TRIM71: variants seen among roughly 807,000 people sequenced by gnomAD.
The protein encoded by TRIM71 is tripartite motif containing 71.
TRIM71 carries 9 observed loss-of-function variants against 61.2 expected under a neutral mutation model. The observed-to-expected ratio is 0.15, with a 90% confidence interval of 0.09 to 0.26. The LOEUF is 0.26. TRIM71 is among the 10% of genes least tolerant of loss of function. The pLI, the probability that TRIM71 is intolerant of heterozygous loss-of-function variation, is 1.00. For synonymous variants in TRIM71, 645 were observed against 553.2 expected (o/e 1.17, Z -2.33); for missense variants, 998 against 1,238.7 (o/e 0.81, Z 2.92).
intron 2 of TRIM71, among the ~76,000 whole-genome samples, chr3:32,876,563 G>A (rs913858438): frequency 1.3e-5 from 2 of 152,088 alleles, no homozygotes; most frequent in Non-Finnish European, 2.9e-5. Context: ...CAGCCTGGAC[G>A]ACCGAATGAG....
In TRIM71 at chr3:32,818,357, G is replaced by A. The variant is rs1170054358; in HGVS notation, c.277G>A (p.Val93Met). 3 of 1,475,464 alleles carry A rather than the reference G, an allele frequency of 2.0e-6. No individual in the cohort carries two copies. Among genetic ancestry groups the A allele is most frequent in the East Asian group, 3.0e-5 (1 of 33,722 alleles). 91.4% of individuals were successfully genotyped at this position (1,475,464 alleles called of 1,614,324 possible). A position where few individuals can be genotyped will look rare whatever the true frequency, so the allele number is the denominator to read the frequency against. ...AGEPLKLRCP[V>M]CDQKVVLAEA... The stretch of plus-strand genomic sequence containing the variant: ...AGAGCCGCTCAAGCTGCGCTGCCCC[G>A]TGTGCGACCAGAAAGTAGTGCTAGC... The change falls in exon 1 of 4, where the codon GTG (valine) becomes ATG (methionine). Residue 93 changes from valine (V) to methionine (M), a missense_variant. This residue lies in a region of TRIM71 where 527 missense variants were observed against 427.8 expected (regional missense o/e 1.23). Coordinates refer to ENST00000383763, the MANE Select transcript of TRIM71 (RefSeq NM_001039111.3).
At chr3:32,820,722 GATT>G (rs1400447144) in intron 1 of TRIM71, among the ~76,000 whole-genome samples, 1 of 152,304 alleles carries the variant, frequency 6.6e-6, no homozygotes, top group African/African-American at 2.4e-5. Flanking sequence ...ACTTGTAAAA[GATT>G]TATTCACTTT....
intron 1 of TRIM71, among the ~76,000 whole-genome samples, chr3:32,833,207 A>AT (rs1696294897): frequency 6.7e-6 from 1 of 149,452 alleles, no homozygotes; most frequent in South Asian, 2.1e-4. Flanking sequence ...AAAAAAAAAA[A>AT]AAAAAGAGGC....
chr3:32,834,432 T>G (rs1696308986), intron 1 of TRIM71, among the ~76,000 whole-genome samples: 1 of 152,168 alleles, frequency 6.6e-6, no homozygotes, highest in Non-Finnish European at 1.5e-5. Context: ...GTTGGTTTAT[T>G]TAAGTAGATT....
At chr3:32,830,794 C>A (rs1011232220) in intron 1 of TRIM71, among the ~76,000 whole-genome samples, 2 of 152,100 alleles carry the variant, frequency 1.3e-5, no homozygotes, top group Non-Finnish European at 2.9e-5. Flanking sequence ...AATGCCTCCC[C>A]CTGCCCCAAA....
intron 3 of TRIM71, among the ~76,000 whole-genome samples, chr3:32,889,559 A>AAGT (rs1553647453): frequency 7.2e-6 from 1 of 139,604 alleles, no homozygotes; most frequent in African/African-American, 2.6e-5. Flanking sequence ...GTTTTGTCCC[A>AAGT]ATTATTATTA....
intron 2 of TRIM71, among the ~76,000 whole-genome samples, chr3:32,884,620 G>A (rs989485975): frequency 3.3e-5 from 5 of 152,040 alleles, no homozygotes. Context: ...GATCGCCATG[G>A]GGTAGAAGGA....
At chr3:32,869,878 C>G (rs918038206) in intron 1 of TRIM71, among the ~76,000 whole-genome samples, 1 of 152,174 alleles carries the variant, frequency 6.6e-6, no homozygotes, top group Non-Finnish European at 1.5e-5. Flanking sequence ...TGTCGCCAGG[C>G]CCGAGGGGGC....
chr3:32,849,246 C>T (rs1163048994), intron 1 of TRIM71, among the ~76,000 whole-genome samples: 2 of 151,146 alleles, frequency 1.3e-5, no homozygotes, highest in Non-Finnish European at 3.0e-5. Context: ...GAAGGTAGAG[C>T]GAGTTCATTT....
intron 2 of TRIM71, among the ~76,000 whole-genome samples, chr3:32,877,893 A>G (rs967640383): frequency 6.6e-6 from 1 of 152,082 alleles, no homozygotes; most frequent in Non-Finnish European, 1.5e-5. Context: ...CAAACATCCT[A>G]TTAATGTTGA....
intron 1 of TRIM71, among the ~76,000 whole-genome samples, chr3:32,849,421 C>T (rs564147672): frequency 4.0e-5 from 6 of 151,724 alleles, no homozygotes; most frequent in South Asian, 2.1e-4. Flanking sequence ...TGTAATGGTG[C>T]GATCTGAGCT....
intron 1 of TRIM71, among the ~76,000 whole-genome samples, chr3:32,856,510 A>C (rs1297923057): frequency 3.3e-5 from 5 of 152,184 alleles, no homozygotes; most frequent in African/African-American, 4.8e-5. Context: ...AGCATGAGGC[A>C]ATAAGGAAAT....
intron 1 of TRIM71, among the ~76,000 whole-genome samples, chr3:32,843,469 T>TG (rs1475892902): frequency 2.0e-5 from 3 of 152,088 alleles, no homozygotes; most frequent in Admixed American, 6.5e-5. Context: ...TCTGTGAAAA[T>TG]GGAGTGGATG....
intron 1 of TRIM71, among the ~76,000 whole-genome samples, chr3:32,844,742 G>T (rs1168798968): frequency 1.3e-5 from 2 of 152,174 alleles, no homozygotes; most frequent in African/African-American, 2.4e-5. Flanking sequence ...TAACTTAGCT[G>T]ATGAAGTCGG....
Position 32,818,607 on chromosome 3 carries a change from CT to C in TRIM71, c.529del (p.Ser177ProfsTer165). ...PLPQAPQPPA[P>X]SRSAPGGPAA... ...CCGCAGGCGCCGCAGCCGCCCGCGC[CT>C]TCCCGCTCGGCACCCGGCGGCCCTG... On this transcript the variant is annotated frameshift_variant, in exon 1 of 4. Transcript: ENST00000383763. LOFTEE classifies it high-confidence loss of function. The C allele has an allele frequency of 7.2e-7, 1 of 1,385,514 alleles. No homozygotes were observed. The allele number at this position is 1,385,514 out of a possible 1,614,324, so 85.8% of individuals were successfully genotyped here.
chr3:32,828,212 T>C (rs1167711050), intron 1 of TRIM71, among the ~76,000 whole-genome samples: 4 of 152,264 alleles, frequency 2.6e-5, no homozygotes. Context: ...TACTTAGGAT[T>C]ATCAATAGAT....
rs755896977 is a variant in TRIM71, at chr3:32,891,094, C to A, written c.1890C>A (p.Ile630=). 4.3e-6 allele frequency: 7 copies of A among 1,611,826 alleles called. No homozygotes were observed. The highest frequency in any genetic ancestry group is 5.9e-6 in the Non-Finnish European group (7 of 1,179,976). ...IIVADRSNNR[I]QVFKPCGAFH... ...TCGCCGACCGCAGCAACAACCGCAT[C>A]CAGGTGTTCAAGCCCTGCGGCGCCT... The change falls in exon 4 of 4, where the codon ATC becomes ATA. Residue 630 remains isoleucine, a synonymous_variant. Transcript: ENST00000383763. This position sits in a 1 kb window ranked among gnomAD's most constrained non-coding sequence, Gnocchi z 8.2.
At position 32,893,739 on chromosome 3, in the gene TRIM71, G is replaced by A. The variant is rs546843544; in HGVS notation, c.*1928G>A. 1 of 152,210 alleles carries A rather than the reference G, an allele frequency of 6.6e-6. No individual in the cohort carries two copies. The highest frequency in any genetic ancestry group is 1.5e-5 in the Non-Finnish European group (1 of 68,028). 9.4% of individuals were successfully genotyped at this position (152,210 alleles called of 1,614,324 possible). A position where few individuals can be genotyped will look rare whatever the true frequency, so the allele number is the denominator to read the frequency against. On this transcript the variant is annotated 3_prime_UTR_variant, in exon 4 of 4. Transcript: ENST00000383763. ...GGAGATGATGGGGACAGTGTGACAA[G>A]TCAATCAAGTTGCTTTTCCCGTACA...
In TRIM71 at chr3:32,894,396, G is replaced by A. The variant is rs1267176364; in HGVS notation, c.*2585G>A. On this transcript the variant is annotated 3_prime_UTR_variant, in exon 4 of 4. Transcript: ENST00000383763. ...TTGACATTTTACTATGGATGTGATC[G>A]AAAAGCCAAGATTTTCGCTCCATGG... 1.3e-5 allele frequency: 2 copies of A among 152,096 alleles called. No individual in the cohort carries two copies. The highest frequency in any genetic ancestry group is 2.4e-5 in the African/African-American group (1 of 41,384). The allele number at this position is 152,096 out of a possible 1,614,324, so 9.4% of individuals were successfully genotyped here. A position where few individuals can be genotyped will look rare whatever the true frequency, so the allele number is the denominator to read the frequency against.
Sources: gnomAD v4.1 joint callset for allele counts (sites outside exome capture counted in the v4.1 genomes callset) on GRCh38, gnomAD v4.1.1 for gene constraint, gnomAD v4.1.1 regional missense constraint, Gnocchi (gnomAD v3.1) non-coding constraint, MANE v1.5 for transcripts, NCBI Gene and HGNC (gene_info 2026-07-23, HGNC 2026-07-21) for gene names.